NUP214: variants seen among roughly 807,000 people sequenced by gnomAD.
NUP214 encodes the protein nuclear pore complex protein Nup214.
A neutral mutation model predicts 196.2 loss-of-function variants in NUP214; 79 were observed. That is an observed-to-expected ratio of 0.40 (90% CI 0.34 to 0.49). NUP214 has a LOEUF of 0.49. NUP214 is among the 20% of genes least tolerant of loss of function. NUP214 has a pLI of 0.58. For synonymous variants in NUP214, 1,020 were observed against 990.5 expected, an observed-to-expected ratio of 1.03 and a Z score of -0.56; for missense variants, 2,468 against 2,539.0, an observed-to-expected ratio of 0.97 and a Z score of 0.60.
intron 23 of NUP214, 95 bp from the exon 24 acceptor site, chr9:131,178,216 T>A: frequency 2.4e-6 from 2 of 850,132 alleles, no homozygotes; most frequent in Non-Finnish European, 3.8e-6. Context: ...CTAATCTGCT[T>A]GGGCTCATGT....
chr9:131,212,655 A>G (rs1588171184), intron 30 of NUP214, among the ~76,000 whole-genome samples: 1 of 152,308 alleles, frequency 6.6e-6, no homozygotes, highest in East Asian at 1.9e-4. Flanking sequence ...TAGAGGCTTG[A>G]GGAGAGTCAA....
At chr9:131,182,637 G>C (rs1793407058) in intron 24 of NUP214, among the ~76,000 whole-genome samples, 1 of 152,200 alleles carries the variant, frequency 6.6e-6, no homozygotes, top group South Asian at 2.1e-4. Context: ...ACAGTATATA[G>C]TGGGCCTTAG....
chr9:131,129,263 A>C lies in NUP214; in HGVS notation c.394-16A>C, dbSNP rs371048875. On this transcript the variant is annotated splice_polypyrimidine_tract_variant and intron_variant, in intron 3 of 35. Coordinates refer to ENST00000359428, the MANE Select transcript of NUP214 (RefSeq NM_005085.4). ...ATTTGTTAACTTATTTCACTTTTGC[A>C]TATTTGTTTTAAAAGGCTAAACAGC... 1.8e-5 allele frequency: 29 copies of C among 1,607,880 alleles called. No homozygotes were observed. The highest frequency in any genetic ancestry group is 2.3e-5 in the Non-Finnish European group (27 of 1,175,062).
intron 16 of NUP214, 131 bp from the exon 17 acceptor site, chr9:131,151,605 A>G: frequency 1.6e-6 from 1 of 606,292 alleles, no homozygotes; most frequent in Non-Finnish European, 2.8e-6. Flanking sequence ...TTCTTTTTTT[A>G]CCTGAGTTAA....
intron 1 of NUP214, 59 bp from the exon 2 acceptor site, chr9:131,127,465 A>AT: frequency 7.2e-7 from 1 of 1,380,764 alleles, no homozygotes; most frequent in Non-Finnish European, 1.0e-6. Flanking sequence ...TCTACTGAAT[A>AT]TAACATGTTT....
In NUP214 at chr9:131,139,373, C is replaced by T. The variant is rs761874142; in HGVS notation, c.1098C>T (p.Val366=). Residue 366 remains valine (V), a synonymous_variant, in exon 10 of 36, where the codon GTC becomes GTT. Transcript: ENST00000359428. The part of the protein sequence containing the change: ...KSDDSLPMGV[V]VDYTNQVEIT... ...ATGACTCCTTGCCCATGGGAGTTGT[C>T]GTAGACTATACAAACCAAGTGGAAA... 13 of 1,603,136 alleles carry T rather than the reference C, an allele frequency of 8.1e-6. No individual in the cohort carries two copies. Among genetic ancestry groups the T allele is most frequent in the Admixed American group, 3.4e-5 (2 of 58,340 alleles).
At chr9:131,134,048 G>A (rs1831641385) in intron 7 of NUP214, among the ~76,000 whole-genome samples, 1 of 152,190 alleles carries the variant, frequency 6.6e-6, no homozygotes, top group Non-Finnish European at 1.5e-5. Flanking sequence ...TTGGGCTTAA[G>A]CCATCCTCCT....
chr9:131,190,681 G>T (rs1833572891), intron 26 of NUP214: 4 of 496,506 alleles, frequency 8.1e-6, no homozygotes, highest in Non-Finnish European at 1.4e-5. Flanking sequence ...AAAGCCTATG[G>T]TGTAGAGATA....
At chr9:131,165,724 T>C (rs184857415) in intron 21 of NUP214, among the ~76,000 whole-genome samples, 268 of 152,358 alleles carry the variant, frequency 1.8e-3, no homozygotes, top group African/African-American at 6.1e-3. Context: ...AAACAGTGTG[T>C]CTGTTAATGA....
At chr9:131,215,047 T>C (rs936506733) in intron 30 of NUP214, among the ~76,000 whole-genome samples, 165 bp from the exon 31 acceptor site, 7 of 152,222 alleles carry the variant, frequency 4.6e-5, no homozygotes, top group Non-Finnish European at 8.8e-5. Flanking sequence ...AGGAAGTCCC[T>C]GTCCAGAGTC....
Position 131,233,795 on chromosome 9 carries a change from CA to C in NUP214, c.*309del, listed in dbSNP as rs563091623. 5.1e-4 allele frequency: 231 copies of C among 450,900 alleles called. 2 individuals are homozygous for C. The highest frequency in any genetic ancestry group is 4.0e-3 in the African/African-American group (204 of 51,064). The allele number at this position is 450,900 out of a possible 1,614,324, so 27.9% of individuals were successfully genotyped here. A position where few individuals can be genotyped will look rare whatever the true frequency, so the allele number is the denominator to read the frequency against. ...CCAGCAGAGCCTCCATCAGCCAGAA[CA>C]CTGTGTCTTCAAGGATGGCATCAGA... On this transcript the variant is annotated 3_prime_UTR_variant, in exon 36 of 36. Coordinates refer to ENST00000359428, the MANE Select transcript of NUP214 (RefSeq NM_005085.4).
chr9:131,180,594 T>C (rs1833245858), intron 24 of NUP214, among the ~76,000 whole-genome samples: 1 of 152,256 alleles, frequency 6.6e-6, no homozygotes, highest in East Asian at 1.9e-4. Flanking sequence ...GTGTACTTTA[T>C]GTTCATTGGC....
intron 17 of NUP214, 198 bp from the exon 18 acceptor site, chr9:131,159,185 A>T (rs944972636): frequency 7.0e-6 from 4 of 569,426 alleles, no homozygotes; most frequent in African/African-American, 5.7e-5. Flanking sequence ...GGGTGTTGGG[A>T]TTATAGGCCT....
chr9:131,226,726 C>T (rs556856723), intron 32 of NUP214, among the ~76,000 whole-genome samples: 14 of 151,976 alleles, frequency 9.2e-5, no homozygotes, highest in African/African-American at 1.7e-4. Context: ...AACCCAAACA[C>T]GAGCCTTAGC....
chr9:131,128,572 A>AC, intron 3 of NUP214, 89 bp downstream of exon 3: 1 of 1,162,510 alleles, frequency 8.6e-7, no homozygotes, highest in East Asian at 2.5e-5. Flanking sequence ...TCATAGGTTA[A>AC]CCCTTGAAGT....
intron 24 of NUP214, among the ~76,000 whole-genome samples, chr9:131,179,299 G>C (rs1833201555): frequency 6.6e-6 from 1 of 152,198 alleles, no homozygotes; most frequent in Non-Finnish European, 1.5e-5. Flanking sequence ...ACTGTGCCCA[G>C]CCTAGCTCAT....
chr9:131,224,819 A>G (rs1003203358), intron 32 of NUP214, among the ~76,000 whole-genome samples: 1 of 152,258 alleles, frequency 6.6e-6, no homozygotes, highest in African/African-American at 2.4e-5. Flanking sequence ...CTTTTATCCC[A>G]GTTAGAAAGG....
chr9:131,193,573 TC>T lies in NUP214; in HGVS notation c.3659+1283del, dbSNP rs143433138. ...TAGGTCAATGCCAAGAATTATTGCA[TC>T]CTTTACAGATGGCTAATAATCAGTC... On this transcript the variant is annotated intron_variant, in intron 27 of 35. Coordinates refer to ENST00000359428, the MANE Select transcript of NUP214 (RefSeq NM_005085.4). Among the ~76,000 whole-genome samples the T allele has an allele frequency of 2.9e-3, 429 of 148,118 alleles. 6 individuals are homozygous for T. The highest frequency in any genetic ancestry group is 9.9e-3 in the East Asian group (50 of 5,052).
intron 10 of NUP214, 121 bp downstream of exon 10, chr9:131,139,528 G>A: frequency 2.1e-6 from 3 of 1,411,874 alleles, no homozygotes; most frequent in East Asian, 5.0e-5. Flanking sequence ...GCTTCTGGCA[G>A]CACATTTCTC....
Sources: allele counts gnomAD v4.1 joint callset (sites outside exome capture counted in the v4.1 genomes callset), GRCh38; gene constraint gnomAD v4.1.1; transcripts MANE v1.5; gene names NCBI Gene and HGNC (gene_info 2026-07-23, HGNC 2026-07-21).